The following SPIN1 variants were observed in gnomAD, a reference collection of about 807,000 sequenced individuals.
SPIN1 encodes the protein spindlin 1.
SPIN1 carries 3 observed loss-of-function variants against 26.0 expected under a neutral mutation model. The observed-to-expected ratio is 0.12, with a 90% CI of 0.05 to 0.30. The LOEUF is 0.30. Among genes scored for constraint, SPIN1 ranks in the 10% least tolerant of loss-of-function variants. SPIN1 has a pLI of 1.00. For synonymous variants in SPIN1, 101 were observed against 116.5 expected, an observed-to-expected ratio of 0.87 and a Z score of 0.86; for missense variants, 126 against 333.4, an observed-to-expected ratio of 0.38 and a Z score of 4.84.
intron 1 of SPIN1, among the ~76,000 whole-genome samples, chr9:88,402,022 G>T (rs10117686): frequency 6.6e-6 from 1 of 151,986 alleles, no homozygotes; most frequent in Non-Finnish European, 1.5e-5. Context: ...ATGGAGTCTC[G>T]CTCTGTTGCT....
intron 1 of SPIN1, among the ~76,000 whole-genome samples, chr9:88,389,041 G>A (rs1417792118): frequency 6.6e-6 from 1 of 151,820 alleles, no homozygotes; most frequent in Non-Finnish European, 1.5e-5. Context: ...CGGCGCGACG[G>A]GTCGGGTCAC....
chr9:88,412,394 G>GT (rs1420615852), intron 1 of SPIN1, among the ~76,000 whole-genome samples: 9 of 152,234 alleles, frequency 5.9e-5, no homozygotes, highest in Admixed American at 5.2e-4. Flanking sequence ...TGGGAGGATT[G>GT]TTTAAATTAC....
intron 1 of SPIN1, among the ~76,000 whole-genome samples, chr9:88,394,082 C>G (rs1467370327): frequency 6.6e-6 from 1 of 152,194 alleles, no homozygotes; most frequent in Non-Finnish European, 1.5e-5. Context: ...CTCCCAAGCT[C>G]AAGTGATCCT....
intron 2 of SPIN1, among the ~76,000 whole-genome samples, chr9:88,444,712 A>G (rs1828209782): frequency 8.2e-6 from 1 of 121,456 alleles, no homozygotes; most frequent in African/African-American, 3.4e-5. Flanking sequence ...TTTTTTTGAG[A>G]TGGAGTCTTG....
intron 1 of SPIN1, among the ~76,000 whole-genome samples, chr9:88,424,578 T>C (rs1827731899): frequency 1.3e-5 from 2 of 152,198 alleles, no homozygotes; most frequent in East Asian, 1.9e-4. Flanking sequence ...GATAATGCGA[T>C]ATTGGAAAAA....
At chr9:88,410,958 TATG>T (rs1348549196) in intron 1 of SPIN1, 7 of 1,236,606 alleles carry the variant, frequency 5.7e-6, no homozygotes, top group Non-Finnish European at 7.1e-6. Flanking sequence ...CCATTCACAG[TATG>T]ATATTTCTGA....
chr9:88,444,936 C>T (rs557867301), intron 2 of SPIN1, among the ~76,000 whole-genome samples: 18 of 152,180 alleles, frequency 1.2e-4, no homozygotes, highest in South Asian at 2.1e-4. Context: ...CCTCGTGATC[C>T]GCCCGCCTCG....
chr9:88,423,090 TC>T (rs1827702870), intron 1 of SPIN1, among the ~76,000 whole-genome samples: 1 of 152,198 alleles, frequency 6.6e-6, no homozygotes, highest in Admixed American at 6.5e-5. Context: ...CTGCGACTCT[TC>T]CTTCTACTCC....
chr9:88,458,283 A>G (rs757558611), intron 3 of SPIN1, among the ~76,000 whole-genome samples: 37 of 152,234 alleles, frequency 2.4e-4, no homozygotes, highest in Non-Finnish European at 4.4e-4. Context: ...TATGAGACTC[A>G]TAGTATCATT....
chr9:88,462,441 C>G, intron 3 of SPIN1, 55 bp from the exon 4 acceptor site: 2 of 1,579,522 alleles, frequency 1.3e-6, no homozygotes, highest in East Asian at 2.2e-5. Flanking sequence ...TATGTTAGAT[C>G]TAGGCATGCA....
chr9:88,455,248 T>C (rs1828449069), intron 3 of SPIN1, among the ~76,000 whole-genome samples: 1 of 152,246 alleles, frequency 6.6e-6, no homozygotes, highest in African/African-American at 2.4e-5. Flanking sequence ...GCAGATGACC[T>C]GAGGTCGGGA....
At chr9:88,418,347 A>G (rs1288549103) in intron 1 of SPIN1, among the ~76,000 whole-genome samples, 4 of 152,212 alleles carry the variant, frequency 2.6e-5, no homozygotes, top group Non-Finnish European at 4.4e-5. Flanking sequence ...AGAACAAAGT[A>G]TATATTTCTT....
intron 3 of SPIN1, among the ~76,000 whole-genome samples, chr9:88,453,113 T>TCCTTTC (rs1018754876): frequency 2.0e-5 from 3 of 152,212 alleles, no homozygotes; most frequent in Non-Finnish European, 4.4e-5. Context: ...CGTTTTCCTT[T>TCCTTTC]CCTTTCCCTT....
intron 2 of SPIN1, among the ~76,000 whole-genome samples, chr9:88,445,518 T>TTTATTA (rs138265190): frequency 0.22 from 29,679 of 134,358 alleles, 3,568 homozygotes; most frequent in East Asian, 0.36. Flanking sequence ...TATTGAGACT[T>TTTATTA]TTATTATTAT....
intron 1 of SPIN1, among the ~76,000 whole-genome samples, chr9:88,390,536 T>A (rs1826897079): frequency 6.6e-6 from 1 of 152,230 alleles, no homozygotes; most frequent in Non-Finnish European, 1.5e-5. Context: ...CGATATACAT[T>A]CTTTTGGTTT....
intron 1 of SPIN1, among the ~76,000 whole-genome samples, chr9:88,412,925 G>A (rs995443579): frequency 1.3e-5 from 2 of 150,898 alleles, no homozygotes; most frequent in Admixed American, 6.6e-5. Flanking sequence ...CTCGTGATCC[G>A]CCCACCTTGG....
At chr9:88,454,012 C>T (rs913650468) in intron 3 of SPIN1, among the ~76,000 whole-genome samples, 1 of 152,034 alleles carries the variant, frequency 6.6e-6, no homozygotes, top group Non-Finnish European at 1.5e-5. Context: ...AAATACCTTT[C>T]GATTATTTTA....
chr9:88,446,391 A>G, intron 2 of SPIN1, among the ~76,000 whole-genome samples: 1 of 146,190 alleles, frequency 6.8e-6, no homozygotes. Flanking sequence ...TTAAGTCCAT[A>G]GGTTAGTTGG....
chr9:88,398,837 G>T (rs1827124871), intron 1 of SPIN1, among the ~76,000 whole-genome samples: 1 of 151,928 alleles, frequency 6.6e-6, no homozygotes, highest in Non-Finnish European at 1.5e-5. Context: ...GCCTCCCTGG[G>T]ATTACAGGCG....
Sources: gnomAD v4.1 joint callset for allele counts (sites outside exome capture counted in the v4.1 genomes callset) on GRCh38, gnomAD v4.1.1 for gene constraint, MANE v1.5 for transcripts, NCBI Gene and HGNC (gene_info 2026-07-23, HGNC 2026-07-21) for gene names.